SPATS1: variants seen among roughly 807,000 people sequenced by gnomAD.
SPATS1 encodes spermatogenesis-associated serine-rich protein 1.
SPATS1 carries 23 observed loss-of-function variants against 33.6 expected under a neutral mutation model. The ratio of observed to expected loss-of-function variants is 0.68; its 90% CI spans 0.49 to 0.97. SPATS1 has a LOEUF of 0.97. Ranked by LOEUF, SPATS1 falls within the 50% of genes least tolerant of loss-of-function variation. The pLI is 0.00. For missense variants in SPATS1, 327 were observed against 361.0 expected (o/e 0.91, Z 0.76); for synonymous variants, 131 against 125.6 (o/e 1.04, Z -0.29).
chr6:44,372,210 C>T (rs1228357320), intron 7 of SPATS1, among the ~76,000 whole-genome samples: 10 of 145,726 alleles, frequency 6.9e-5, no homozygotes, highest in South Asian at 2.2e-4. Context: ...GCCAAGATCA[C>T]GCCACTGCAC....
intron 6 of SPATS1, among the ~76,000 whole-genome samples, chr6:44,369,656 C>T (rs974680373): frequency 6.6e-6 from 1 of 151,966 alleles, no homozygotes; most frequent in South Asian, 2.1e-4. Flanking sequence ...AGGATTGCTT[C>T]AGCCCAGGCG....
chr6:44,359,208 A>G (rs1788759041), intron 3 of SPATS1, among the ~76,000 whole-genome samples: 1 of 151,950 alleles, frequency 6.6e-6, no homozygotes, highest in Admixed American at 6.5e-5. Context: ...TGATCCTCCT[A>G]CCTTGGCATC....
intron 3 of SPATS1, among the ~76,000 whole-genome samples, chr6:44,359,994 C>T (rs1354620485): frequency 6.6e-6 from 1 of 152,200 alleles, no homozygotes; most frequent in Non-Finnish European, 1.5e-5. Flanking sequence ...GTGAATAATG[C>T]TGCAAAGAAC....
chr6:44,371,323 GAA>G (rs1789601260), intron 7 of SPATS1, among the ~76,000 whole-genome samples: 1 of 151,690 alleles, frequency 6.6e-6, no homozygotes, highest in Admixed American at 6.6e-5. Flanking sequence ...AAAAGAGAGA[GAA>G]GTCGATCAGC....
At position 44,380,097 on chromosome 6, in the gene SPATS1, T is replaced by C. The variant is rs1333979536; in HGVS notation, c.*3034T>C. Among the ~76,000 whole-genome samples the C allele has an allele frequency of 3.3e-5, 5 of 152,182 alleles. No individual in the cohort carries two copies. The highest frequency in any genetic ancestry group is 7.4e-5 in the Non-Finnish European group (5 of 68,020). ...GTTCCAGCTTTTGCTTCTTTCCAGCTAGAAAGAGGTTGAACCTGTTAGATG... is the reference window on the plus strand; with the variant it reads ...GTTCCAGCTTTTGCTTCTTTCCAGCCAGAAAGAGGTTGAACCTGTTAGATG... On this transcript the variant is annotated 3_prime_UTR_variant, in exon 9 of 9. Coordinates refer to ENST00000674044, the MANE Select transcript of SPATS1 (RefSeq NM_001372081.1).
Position 44,360,584 on chromosome 6 carries a change from C to G in SPATS1, c.412+14C>G. The G allele has an allele frequency of 3.1e-6, 5 of 1,613,682 alleles. No individual in the cohort carries two copies. Among genetic ancestry groups the G allele is most frequent in the Non-Finnish European group, 4.2e-6 (5 of 1,179,814 alleles). ...AGTTGCAGACGAGTAAGTCACAGAC[C>G]CTCCTCCACATGCTTCTGTGCCCCA... On this transcript the variant is annotated intron_variant, in intron 4 of 8. Transcript: ENST00000674044.
chr6:44,362,057 G>C, intron 5 of SPATS1, 65 bp downstream of exon 5: 1 of 1,596,954 alleles, frequency 6.3e-7, no homozygotes, highest in Non-Finnish European at 8.6e-7. Flanking sequence ...TGATTCTATA[G>C]GCCCTGCATT....
At chr6:44,364,551 G>A (rs534461794) in intron 5 of SPATS1, among the ~76,000 whole-genome samples, 11 of 72,306 alleles carry the variant, frequency 1.5e-4, no homozygotes, top group African/African-American at 5.9e-4. Context: ...GGCTTGATTC[G>A]TTTTAGTATA....
intron 3 of SPATS1, 31 bp downstream of exon 3, chr6:44,352,904 G>A (rs777166213): frequency 1.5e-5 from 24 of 1,605,032 alleles, no homozygotes; most frequent in African/African-American, 6.7e-5. Context: ...GAGCTGTCAC[G>A]GTTGGGGAGA....
At chr6:44,343,561 A>G in intron 2 of SPATS1, 1 of 480,006 alleles carries the variant, frequency 2.1e-6, no homozygotes, top group South Asian at 1.6e-5. Context: ...GGGATTTGAC[A>G]TGAGCCTGGG....
At chr6:44,366,305 G>A (rs1789247808) in intron 5 of SPATS1, among the ~76,000 whole-genome samples, 1 of 151,804 alleles carries the variant, frequency 6.6e-6, no homozygotes, top group Non-Finnish European at 1.5e-5. Context: ...TGTATTTTTA[G>A]TGGAGACGGG....
At chr6:44,347,009 C>T (rs869297944) in intron 2 of SPATS1, among the ~76,000 whole-genome samples, 22 of 152,048 alleles carry the variant, frequency 1.4e-4, no homozygotes, top group East Asian at 1.9e-4. Context: ...ATAGAGAAAA[C>T]GTGGCACATA....
intron 3 of SPATS1, among the ~76,000 whole-genome samples, chr6:44,356,894 G>C (rs767249787): frequency 4.6e-5 from 7 of 152,174 alleles, no homozygotes; most frequent in Admixed American, 1.3e-4. Flanking sequence ...TAAATACCAA[G>C]AGTCAGGGAT....
chr6:44,376,320 A>T (rs1318691912), intron 7 of SPATS1, 38 bp from the exon 8 acceptor site: 2 of 1,424,396 alleles, frequency 1.4e-6, no homozygotes, highest in Non-Finnish European at 2.0e-6. Context: ...TAAATTTTGC[A>T]TCAAACTACA....
At chr6:44,366,330 A>T (rs1257316596) in intron 5 of SPATS1, among the ~76,000 whole-genome samples, 11 of 151,748 alleles carry the variant, frequency 7.2e-5, no homozygotes, top group African/African-American at 2.4e-4. Context: ...CACCATGTTG[A>T]TCAGGCTGGT....
chr6:44,379,366 G>A lies in SPATS1; in HGVS notation c.*2303G>A, dbSNP rs1004686945. 2.6e-5 allele frequency among the ~76,000 whole-genome samples: 4 copies of A among 151,932 alleles called. No individual in the cohort carries two copies. The highest frequency in any genetic ancestry group is 9.7e-5 in the African/African-American group (4 of 41,354). On this transcript the variant is annotated 3_prime_UTR_variant, in exon 9 of 9. Coordinates refer to ENST00000674044, the MANE Select transcript of SPATS1 (RefSeq NM_001372081.1). ...AGCACTTTGGGAGGCCGAGGCAGGC[G>A]GATCACGAGGTCAGGAGATCGAGAC...
At chr6:44,364,024 A>C (rs1215867820) in intron 5 of SPATS1, among the ~76,000 whole-genome samples, 1 of 151,948 alleles carries the variant, frequency 6.6e-6, no homozygotes, top group Admixed American at 6.5e-5. Context: ...AACAATAGCA[A>C]AATGAAACCC....
At chr6:44,357,934 A>G (rs1420915571) in intron 3 of SPATS1, among the ~76,000 whole-genome samples, 1 of 152,170 alleles carries the variant, frequency 6.6e-6, no homozygotes, top group African/African-American at 2.4e-5. Context: ...GAGAATTTGA[A>G]TCTGGTCTGT....
intron 2 of SPATS1, among the ~76,000 whole-genome samples, chr6:44,346,543 C>T (rs531626642): frequency 6.6e-6 from 1 of 152,162 alleles, no homozygotes; most frequent in South Asian, 2.1e-4. Context: ...AACACCACGC[C>T]CAGCTAACTT....
Sources: gnomAD v4.1 joint callset for allele counts (sites outside exome capture counted in the v4.1 genomes callset) on GRCh38, gnomAD v4.1.1 for gene constraint, MANE v1.5 for transcripts, NCBI Gene and HGNC (gene_info 2026-07-23, HGNC 2026-07-21) for gene names.